Variants in GALNT18 observed in about 807,000 individuals in gnomAD.
GALNT18 encodes GalNAc-transferase 18.
Under a neutral mutation model 69.5 loss-of-function variants are expected in GALNT18, and 44 were observed. That is an observed-to-expected ratio of 0.63 (90% confidence interval 0.50 to 0.81). The LOEUF (loss-of-function observed/expected upper bound fraction) is 0.81, where lower values mean the gene tolerates loss of function less well. Ranked by LOEUF, GALNT18 falls within the 40% of genes least tolerant of loss-of-function variation. GALNT18 has a pLI of 0.00. For synonymous variants in GALNT18, 364 were observed against 318.2 expected (o/e 1.14, Z -1.53); for missense variants, 715 against 810.0 (o/e 0.88, Z 1.42).
intron 3 of GALNT18, among the ~76,000 whole-genome samples, chr11:11,388,996 T>C (rs1488936425): frequency 6.6e-6 from 1 of 152,148 alleles, no homozygotes; most frequent in Non-Finnish European, 1.5e-5. Context: ...TTCTGTTCCA[T>C]AGATGAGGAA....
In GALNT18 at chr11:11,595,314, G is replaced by A. The variant is rs1859472714; in HGVS notation, c.235+26045C>T. On this transcript the variant is annotated intron_variant, in intron 1 of 10. Transcript: ENST00000227756. This position sits in a 1 kb window ranked among gnomAD's most constrained non-coding sequence, Gnocchi z 5.2. ...TTTATAAAGAGGGCTCAGGGAGCTA[G>A]TTAGCCCCTTTTACCATGTGAGGAC... Among the ~76,000 whole-genome samples the A allele has an allele frequency of 6.6e-6, 1 of 152,106 alleles. No individual in the cohort carries two copies.
chr11:11,539,929 T>C (rs1202532563), intron 1 of GALNT18, among the ~76,000 whole-genome samples: 2 of 152,214 alleles, frequency 1.3e-5, no homozygotes, highest in African/African-American at 2.4e-5. Flanking sequence ...AAGTGTGATA[T>C]ACAGTTTCCA....
chr11:11,394,100 T>C (rs982557493), intron 3 of GALNT18, among the ~76,000 whole-genome samples: 10 of 152,202 alleles, frequency 6.6e-5, no homozygotes, highest in Non-Finnish European at 1.2e-4. Flanking sequence ...TGAAATATGT[T>C]CTAAAAGTGG....
chr11:11,372,193 C>T lies in GALNT18; in HGVS notation c.1092+322G>A, dbSNP rs73419767. ...CACTCTTGTCCAGCCACTCTCGATG[C>T]CTGTTATTGCTTCCTAGAGCACACC... On this transcript the variant is annotated intron_variant, in intron 6 of 10. Transcript: ENST00000227756. This position sits in a 1 kb window ranked among gnomAD's most constrained non-coding sequence, Gnocchi z 4.9. 5.7e-3 allele frequency among the ~76,000 whole-genome samples: 868 copies of T among 152,258 alleles called. 9 individuals are homozygous for T. The highest frequency in any genetic ancestry group is 0.02 in the African/African-American group (826 of 41,524).
chr11:11,473,155 G>A (rs1052844908), intron 1 of GALNT18, among the ~76,000 whole-genome samples: 3 of 152,004 alleles, frequency 2.0e-5, no homozygotes, highest in African/African-American at 7.2e-5. Flanking sequence ...GTACATACAG[G>A]CCCAGAAATA....
rs113848083 is a variant in GALNT18 at position 11,305,267 on chromosome 11, A to G, written c.1513-12074T>C. Among the ~76,000 whole-genome samples, 159 of 152,298 alleles carry G rather than the reference A, an allele frequency of 1.0e-3. 2 individuals are homozygous for G. Among genetic ancestry groups the G allele is most frequent in the African/African-American group, 3.4e-3 (142 of 41,560 alleles). ...GCCTTTTTAGTATCAGCTGCTTTTG[A>G]CAAGATTCTGCAAAAGAGAGATAAG... On this transcript the variant is annotated intron_variant, in intron 9 of 10. Transcript: ENST00000227756.
chr11:11,433,222 A>G (rs1693994619), intron 2 of GALNT18, among the ~76,000 whole-genome samples: 1 of 152,234 alleles, frequency 6.6e-6, no homozygotes, highest in Non-Finnish European at 1.5e-5. Context: ...GGAGACAAAG[A>G]CGCCTCCTCC....
At chr11:11,499,590 C>T (rs533444438) in intron 1 of GALNT18, among the ~76,000 whole-genome samples, 33 of 152,318 alleles carry the variant, frequency 2.2e-4, no homozygotes, top group African/African-American at 7.2e-4. Flanking sequence ...TCTGTGTCCC[C>T]GTCCCCTCTA....
chr11:11,426,655 T>G (rs908865158), intron 3 of GALNT18, among the ~76,000 whole-genome samples: 8 of 151,756 alleles, frequency 5.3e-5, no homozygotes, highest in Non-Finnish European at 1.2e-4. Flanking sequence ...AGTAAATGAG[T>G]GAGCACAGTA....
At chr11:11,323,994 T>A (rs1401519543) in intron 9 of GALNT18, among the ~76,000 whole-genome samples, 1 of 152,208 alleles carries the variant, frequency 6.6e-6, no homozygotes, top group African/African-American at 2.4e-5. Context: ...AGCCCTGACC[T>A]GATAGGATTA....
chr11:11,334,948 T>G (rs940926499), intron 7 of GALNT18, among the ~76,000 whole-genome samples: 1 of 152,246 alleles, frequency 6.6e-6, no homozygotes. Context: ...CCCTAAAGCA[T>G]TCATTAAGTA....
In GALNT18 at chr11:11,538,364, C is replaced by T. The variant is rs1317268439; in HGVS notation, c.235+82995G>A. Reference sequence around the variant, plus strand: ...GCAGGGAGCAGCTGGAGGAGGGCTGCTCTTTCTGCCGCATGTTCATTTCAG... The same window carrying T: ...GCAGGGAGCAGCTGGAGGAGGGCTGTTCTTTCTGCCGCATGTTCATTTCAG... On this transcript the variant is annotated intron_variant, in intron 1 of 10. Transcript: ENST00000227756. The surrounding 1 kb of genome is among the most constrained non-coding windows in gnomAD (Gnocchi z 5.2). Among the ~76,000 whole-genome samples the T allele has an allele frequency of 6.6e-6, 1 of 152,136 alleles. No homozygotes were observed. The highest frequency in any genetic ancestry group is 1.5e-5 in the Non-Finnish European group (1 of 68,020).
At chr11:11,449,026 T>C (rs896819679) in intron 1 of GALNT18, 90 bp from the exon 2 acceptor site, 5 of 1,117,210 alleles carry the variant, frequency 4.5e-6, no homozygotes, top group Middle Eastern at 2.1e-4. Context: ...AAACAGCCTT[T>C]GGTAAAACAA....
At position 11,573,517 on chromosome 11, in the gene GALNT18, T is replaced by C. The variant is rs1171329470; in HGVS notation, c.235+47842A>G. ...GCCAGACTAGGTCTTATTTTCCTTA[T>C]TTTACAGATGCAGAACCTGATGCCC... On this transcript the variant is annotated intron_variant, in intron 1 of 10. Transcript: ENST00000227756. The surrounding 1 kb of genome is among the most constrained non-coding windows in gnomAD (Gnocchi z 4.6). 6.6e-6 allele frequency: 1 copy of C among 152,174 alleles called. No individual in the cohort carries two copies. The highest frequency in any genetic ancestry group is 2.4e-5 in the African/African-American group (1 of 41,432). The allele number at this position is 152,174 out of a possible 1,614,324, so 9.4% of individuals were successfully genotyped here. A position where few individuals can be genotyped will look rare whatever the true frequency, so the allele number is the denominator to read the frequency against.
chr11:11,437,625 G>A (rs1019875944), intron 2 of GALNT18, among the ~76,000 whole-genome samples: 7 of 152,090 alleles, frequency 4.6e-5, no homozygotes, highest in Admixed American at 1.3e-4. Context: ...GACCTGGGGC[G>A]GTGGCCAAAC....
Position 11,377,154 on chromosome 11 carries a change from G to A in GALNT18, c.977+28C>T. On this transcript the variant is annotated intron_variant, in intron 5 of 10. Transcript: ENST00000227756. The surrounding 1 kb of genome is among the most constrained non-coding windows in gnomAD (Gnocchi z 4.6). ...TCCCTAGCCTGGAGGTCAAAGCGGAGAGACCCACAGGTAAAGGTTTGCTTT... is the reference window on the plus strand; with the variant it reads ...TCCCTAGCCTGGAGGTCAAAGCGGAAAGACCCACAGGTAAAGGTTTGCTTT... 1 of 1,605,468 alleles carries A rather than the reference G, an allele frequency of 6.2e-7. No homozygotes were observed. Among genetic ancestry groups the A allele is most frequent in the Non-Finnish European group, 8.5e-7 (1 of 1,174,092 alleles).
intron 10 of GALNT18, among the ~76,000 whole-genome samples, chr11:11,280,728 C>G (rs1373419995): frequency 6.6e-6 from 1 of 152,190 alleles, no homozygotes; most frequent in South Asian, 2.1e-4. Flanking sequence ...CCCAGGGTCA[C>G]TGCCTCACTT....
At chr11:11,410,894 T>C (rs890646302) in intron 3 of GALNT18, among the ~76,000 whole-genome samples, 1 of 152,124 alleles carries the variant, frequency 6.6e-6, no homozygotes, top group Non-Finnish European at 1.5e-5. Flanking sequence ...CTCCCCAGTA[T>C]ACATAGGGAA....
chr11:11,521,874 C>A (rs1287491348), intron 1 of GALNT18, among the ~76,000 whole-genome samples: 1 of 152,210 alleles, frequency 6.6e-6, no homozygotes, highest in South Asian at 2.1e-4. Flanking sequence ...GTGGCTGCAC[C>A]TGTTCCTGCA....
Sources: gnomAD v4.1 joint callset for allele counts (sites outside exome capture counted in the v4.1 genomes callset) on GRCh38, gnomAD v4.1.1 for gene constraint, Gnocchi (gnomAD v3.1) non-coding constraint, MANE v1.5 for transcripts, NCBI Gene and HGNC (gene_info 2026-07-23, HGNC 2026-07-21) for gene names.